The following TANC2 variants were observed in gnomAD, a reference collection of about 807,000 sequenced individuals.
TANC2 encodes protein TANC2.
TANC2 carries 26 observed loss-of-function variants against 210.5 expected under a neutral mutation model. The ratio of observed to expected loss-of-function variants is 0.12; its 90% CI spans 0.09 to 0.17. TANC2 has a LOEUF of 0.17. TANC2 is among the 10% of genes least tolerant of loss of function. The pLI, the probability that TANC2 is intolerant of heterozygous loss-of-function variation, is 1.00. For synonymous variants in TANC2, 931 were observed against 967.1 expected, an observed-to-expected ratio of 0.96 and a Z score of 0.69; for missense variants, 2,129 against 2,608.9, an observed-to-expected ratio of 0.82 and a Z score of 4.01.
chr17:63,074,618 C>A (rs2036510959), intron 3 of TANC2, among the ~76,000 whole-genome samples: 1 of 152,094 alleles, frequency 6.6e-6, no homozygotes, highest in African/African-American at 2.4e-5. Context: ...GTACTTACCA[C>A]CTTCCTATTT....
At chr17:63,067,865 G>A (rs1356656698) in intron 2 of TANC2, among the ~76,000 whole-genome samples, 1 of 152,134 alleles carries the variant, frequency 6.6e-6, no homozygotes, top group Non-Finnish European at 1.5e-5. Flanking sequence ...TCCAGAAAAA[G>A]AGAAGGAAAA....
chr17:63,245,939 G>A (rs1323138854), intron 8 of TANC2, among the ~76,000 whole-genome samples: 1 of 151,770 alleles, frequency 6.6e-6, no homozygotes, highest in East Asian at 1.9e-4. Context: ...GAACCTGGGA[G>A]GCGGAGGTTG....
chr17:63,319,272 C>T (rs2146624110), intron 11 of TANC2, among the ~76,000 whole-genome samples, 182 bp downstream of exon 11: 1 of 152,166 alleles, frequency 6.6e-6, no homozygotes, highest in Non-Finnish European at 1.5e-5. Flanking sequence ...GGATCAGAAC[C>T]TTAGAGTTGG....
chr17:63,326,086 C>G (rs2045635681), intron 11 of TANC2, among the ~76,000 whole-genome samples: 1 of 152,186 alleles, frequency 6.6e-6, no homozygotes, highest in African/African-American at 2.4e-5. Flanking sequence ...AAACATTATC[C>G]TGATCTCAGC....
intron 25 of TANC2, among the ~76,000 whole-genome samples, chr17:63,414,491 A>G (rs2048800297): frequency 2.0e-5 from 3 of 152,212 alleles, no homozygotes; most frequent in Non-Finnish European, 4.4e-5. Context: ...ACGTGACTTC[A>G]TAGAAGGTCC....
intron 14 of TANC2, among the ~76,000 whole-genome samples, chr17:63,365,129 G>A (rs1293590017): frequency 6.6e-6 from 1 of 152,228 alleles, no homozygotes; most frequent in Non-Finnish European, 1.5e-5. Flanking sequence ...TAATGGCACA[G>A]CAGTCAGGAG....
rs569757062 is a variant in TANC2, at chr17:63,231,431, G to A, written c.770-6383G>A. ...CTTCCCATATTTAGTGCTTCCTTCA[G>A]GAGCTCTTGCAAGGCAGGCCTGGTG... On this transcript the variant is annotated intron_variant, in intron 7 of 27. Transcript: ENST00000689528. 7.8e-4 allele frequency among the ~76,000 whole-genome samples: 119 copies of A among 152,214 alleles called. 1 individual carries two copies. The highest frequency in any genetic ancestry group is 2.6e-3 in the African/African-American group (110 of 41,548).
intron 11 of TANC2, chr17:63,332,675 A>G: frequency 5.7e-6 from 1 of 174,106 alleles, no homozygotes; most frequent in Non-Finnish European, 1.2e-5. Context: ...TAGACAGAAT[A>G]GCCTTCTGTG....
intron 3 of TANC2, chr17:63,088,286 C>G (rs969740779): frequency 3.9e-5 from 6 of 152,134 alleles, no homozygotes; most frequent in East Asian, 1.9e-4. Context: ...GCAAGAAGGA[C>G]TGTTGAAGCT....
chr17:63,416,450 G>A (rs1314078846), intron 26 of TANC2, among the ~76,000 whole-genome samples: 1 of 152,194 alleles, frequency 6.6e-6, no homozygotes, highest in African/African-American at 2.4e-5. Context: ...CCAAACAGAT[G>A]TATTGATCAA....
intron 10 of TANC2, among the ~76,000 whole-genome samples, chr17:63,316,062 A>G (rs2045303729): frequency 6.6e-6 from 1 of 152,172 alleles, no homozygotes; most frequent in Admixed American, 6.5e-5. Context: ...TTTTACTTGA[A>G]TTTTTTAGAG....
At chr17:63,028,736 A>G (rs2034653883) in intron 2 of TANC2, among the ~76,000 whole-genome samples, 2 of 152,152 alleles carry the variant, frequency 1.3e-5, no homozygotes, top group African/African-American at 4.8e-5. Flanking sequence ...TCCTTATGCC[A>G]AAGTTACATG....
At chr17:63,069,470 A>C (rs1299112471) in intron 2 of TANC2, among the ~76,000 whole-genome samples, 1 of 152,204 alleles carries the variant, frequency 6.6e-6, no homozygotes, top group South Asian at 2.1e-4. Context: ...GTGTTAGCTC[A>C]TTTGAACCTC....
At chr17:63,080,971 A>G (rs547397197) in intron 3 of TANC2, among the ~76,000 whole-genome samples, 4 of 152,280 alleles carry the variant, frequency 2.6e-5, no homozygotes, top group South Asian at 2.1e-4. Flanking sequence ...TTCTGGCTTT[A>G]TAGTTATCTA....
chr17:63,043,649 C>G (rs978925077), intron 2 of TANC2, among the ~76,000 whole-genome samples: 7 of 152,172 alleles, frequency 4.6e-5, no homozygotes, highest in Non-Finnish European at 1.0e-4. Flanking sequence ...ATCTTTAGCC[C>G]TCAGAAGCAT....
At chr17:62,967,928 T>C (rs1482854883) in intron 1 of TANC2, among the ~76,000 whole-genome samples, 1 of 152,208 alleles carries the variant, frequency 6.6e-6, no homozygotes, top group Non-Finnish European at 1.5e-5. Flanking sequence ...GTAGATCCTC[T>C]TAGGGATGTG....
intron 5 of TANC2, among the ~76,000 whole-genome samples, chr17:63,184,050 A>T (rs924907046): frequency 1.8e-4 from 28 of 152,228 alleles, no homozygotes; most frequent in African/African-American, 6.5e-4. Flanking sequence ...TGTTTGGTGC[A>T]GTCTTTCCTG....
rs948556151 is a variant in TANC2, at chr17:63,174,302, G to A, written c.434-19689G>A. On this transcript the variant is annotated intron_variant, in intron 5 of 27. Coordinates refer to ENST00000689528, the Ensembl canonical transcript of TANC2. ...CTTTTGTTACCCTCATTTTCTTACA[G>A]CCTTATACTACCTCCACTCCACCTA... 3.9e-5 allele frequency among the ~76,000 whole-genome samples: 6 copies of A among 152,024 alleles called. No homozygotes were observed. In the East Asian group the frequency reaches 7.7e-4, roughly 19 times the overall value.
intron 2 of TANC2, among the ~76,000 whole-genome samples, chr17:63,025,520 G>C (rs377384659): frequency 6.6e-6 from 1 of 152,124 alleles, no homozygotes; most frequent in Non-Finnish European, 1.5e-5. Flanking sequence ...CACGGGGCAG[G>C]CATGGTAGCT....
Sources: allele counts gnomAD v4.1 joint callset (sites outside exome capture counted in the v4.1 genomes callset), GRCh38; gene constraint gnomAD v4.1.1; transcripts MANE v1.5; gene names NCBI Gene and HGNC (gene_info 2026-07-23, HGNC 2026-07-21).